Variants in TTC14 observed in about 807,000 individuals in gnomAD.
TTC14 encodes tetratricopeptide repeat protein 14.
A neutral mutation model predicts 79.9 loss-of-function variants in TTC14; 63 were observed. That is an observed-to-expected ratio of 0.79 (90% CI 0.64 to 0.97). The LOEUF (loss-of-function observed/expected upper bound fraction) is 0.97. Ranked by LOEUF, TTC14 falls within the 50% of genes least tolerant of loss-of-function variation. The pLI, the probability that TTC14 is intolerant of heterozygous loss-of-function variation, is 0.00. For missense variants in TTC14, 895 were observed against 894.0 expected (o/e 1.00, Z -0.01); for synonymous variants, 335 against 309.6 (o/e 1.08, Z -0.86).
Position 180,610,212 on chromosome 3 carries a change from G to T in TTC14, c.1983G>T (p.Trp661Cys), listed in dbSNP as rs1365419264. Residue 661 changes from tryptophan to cysteine, a missense_variant, in exon 12 of 12, where the codon TGG (tryptophan) becomes TGT (cysteine). By Grantham distance (215) the Trp-to-Cys change is radical. Transcript: ENST00000296015. ...IEGRKEHYRR[W>C]EPGSVRHSTS... ...GAAGAAAAGAGCACTATAGAAGGTGGGAACCAGGTTCTGTGAGGCATTCTA... is the reference window on the plus strand; with the variant it reads ...GAAGAAAAGAGCACTATAGAAGGTGTGAACCAGGTTCTGTGAGGCATTCTA... 6.2e-7 allele frequency: 1 copy of T among 1,613,790 alleles called. No individual in the cohort carries two copies. Among genetic ancestry groups the T allele is most frequent in the Non-Finnish European group, 8.5e-7 (1 of 1,179,938 alleles).
Position 180,606,353 on chromosome 3 carries a change from T to C in TTC14, c.1030T>C (p.Leu344=). The change falls in exon 8 of 12, where the codon TTG becomes CTG. Residue 344 remains leucine (L), a synonymous_variant. Coordinates refer to ENST00000296015, the MANE Select transcript of TTC14 (RefSeq NM_133462.4). ...AATAGACAAACAAAACGTGGAAGCT[T>C]TGGTAGCTCGTGGAGCATTGTAAGT... ...LEIDKQNVEA[L]VARGALYATK... 1 of 1,614,068 alleles carries C rather than the reference T, an allele frequency of 6.2e-7. No homozygotes were observed.
chr3:180,607,801 T>G, intron 10 of TTC14, 36 bp downstream of exon 10: 4 of 1,597,786 alleles, frequency 2.5e-6, no homozygotes, highest in Non-Finnish European at 3.4e-6. Flanking sequence ...TTTAGTGATA[T>G]TTGAAATAAT....
rs148518688 is a variant in TTC14, at chr3:180,605,442, A to AT, written c.858-315dup. 170 of 215,796 alleles carry AT rather than the reference A, an allele frequency of 7.9e-4. No individual in the cohort carries two copies. In the Middle Eastern group the frequency reaches 8.6e-3, roughly 11 times the overall value. The allele number at this position is 215,796 out of a possible 1,614,324, so 13.4% of individuals were successfully genotyped here. On this transcript the variant is annotated intron_variant, in intron 6 of 11. Transcript: ENST00000296015. ...AGGTGCCCGCCACCACGCCTGGCTA[A>AT]TTTTTTTTTCTTTGATTTTTAGTAG...
rs138270753 is a variant in TTC14, at chr3:180,609,484, G to C, written c.1401-146G>C. 1,263 of 1,326,290 alleles carry C rather than the reference G, an allele frequency of 9.5e-4. 16 individuals are homozygous for C. In the African/African-American group the frequency reaches 0.018, roughly 19 times the overall value. The allele number at this position is 1,326,290 out of a possible 1,614,324, so 82.2% of individuals were successfully genotyped here. ...CCAAAAGTGCTTAATAGTAAAATTA[G>C]ATCTTGTAGTAGCCGAGATTATTGT... On this transcript the variant is annotated intron_variant, in intron 11 of 11. Coordinates refer to ENST00000296015, the MANE Select transcript of TTC14 (RefSeq NM_133462.4).
chr3:180,611,939 C>T (rs1258337179), downstream of TTC14, among the ~76,000 whole-genome samples: 1 of 152,088 alleles, frequency 6.6e-6, no homozygotes, highest in Non-Finnish European at 1.5e-5. Context: ...TATCAAACTC[C>T]AGTAATGAGA....
intron 3 of TTC14, chr3:180,603,823 A>G (rs2108390788): frequency 4.4e-6 from 1 of 227,440 alleles, no homozygotes; most frequent in East Asian, 1.2e-4. Context: ...GGTATTTGCC[A>G]TCTATCCAGG....
In TTC14 at chr3:180,606,259, G is replaced by A; in HGVS notation, c.936G>A (p.Lys312=). The A allele has an allele frequency of 1.9e-6, 3 of 1,613,964 alleles. No homozygotes were observed. The highest frequency in any genetic ancestry group is 2.5e-6 in the Non-Finnish European group (3 of 1,179,938). Residue 312 remains lysine (K), a synonymous_variant, in exon 8 of 12, where the codon AAG becomes AAA. Coordinates refer to ENST00000296015, the MANE Select transcript of TTC14 (RefSeq NM_133462.4). Reference sequence around the variant, plus strand: ...TTACAAATGTCTTTTTTAGTGTGAAGATCGGAGTTGACTATTTTAAAGTTG... The same window carrying A: ...TTACAAATGTCTTTTTTAGTGTGAAAATCGGAGTTGACTATTTTAAAGTTG... The part of the protein sequence containing the change: ...QSASWALKCV[K]IGVDYFKVGR...
At chr3:180,608,323 C>G in intron 10 of TTC14, 3 of 983,876 alleles carry the variant, frequency 3.0e-6, no homozygotes, top group Non-Finnish European at 3.6e-6. Flanking sequence ...AACGGAATGT[C>G]TTTATTTGAA....
chr3:180,607,563 C>G (rs1456486844), intron 9 of TTC14, 85 bp from the exon 10 acceptor site: 1 of 1,421,086 alleles, frequency 7.0e-7, no homozygotes, highest in Non-Finnish European at 9.2e-7. Context: ...CTAATAAGCT[C>G]TCTCATATAA....
intron 3 of TTC14, 149 bp downstream of exon 3, chr3:180,603,472 A>G: frequency 1.4e-6 from 1 of 724,922 alleles, no homozygotes; most frequent in Non-Finnish European, 2.2e-6. Flanking sequence ...AGTTTAAAAA[A>G]ATTAGTGTAA....
chr3:180,615,810 A>G (rs1304171716), downstream of TTC14, among the ~76,000 whole-genome samples: 1 of 152,176 alleles, frequency 6.6e-6, no homozygotes, highest in African/African-American at 2.4e-5. Context: ...AAGAAAAAAA[A>G]AGGGGTTTCC....
intron 12 of TTC14, chr3:180,617,363 C>T (rs544736860): frequency 7.1e-6 from 4 of 563,280 alleles, no homozygotes; most frequent in Admixed American, 5.4e-5. Flanking sequence ...ATACAATATA[C>T]TTTTATTATT....
downstream of TTC14, among the ~76,000 whole-genome samples, chr3:180,611,540 A>G (rs1019157424): frequency 2.0e-5 from 3 of 152,188 alleles, no homozygotes; most frequent in African/African-American, 7.2e-5. Flanking sequence ...AACTAGACCA[A>G]CTAGAGCCTG....
chr3:180,612,960 A>T (rs1717085489), downstream of TTC14, among the ~76,000 whole-genome samples: 1 of 152,208 alleles, frequency 6.6e-6, no homozygotes, highest in African/African-American at 2.4e-5. Context: ...AGAGATAAAA[A>T]TGGCCAAGAA....
At chr3:180,603,830 C>G in intron 3 of TTC14, 2 of 234,314 alleles carry the variant, frequency 8.5e-6, no homozygotes, top group Non-Finnish European at 1.7e-5. Flanking sequence ...GCCATCTATC[C>G]AGGCAGATAA....
chr3:180,608,696 A>G lies in TTC14; in HGVS notation c.1291-5A>G. 2.6e-6 allele frequency: 4 copies of G among 1,519,914 alleles called. No individual in the cohort carries two copies. Among genetic ancestry groups the G allele is most frequent in the Non-Finnish European group, 3.5e-6 (4 of 1,139,278 alleles). The allele number at this position is 1,519,914 out of a possible 1,614,324, so 94.2% of individuals were successfully genotyped here. On this transcript the variant is annotated splice_region_variant and splice_polypyrimidine_tract_variant and intron_variant, in intron 10 of 11. Transcript: ENST00000296015. ...TGGTTTTTTTCGATATCTGGGTTCTAAAAGAAATCTTTGGAATTAAGAGAA... is the reference window on the plus strand; with the variant it reads ...TGGTTTTTTTCGATATCTGGGTTCTGAAAGAAATCTTTGGAATTAAGAGAA...
chr3:180,610,742 T>C lies in TTC14; in HGVS notation c.*200T>C. The C allele has an allele frequency of 3.1e-6, 4 of 1,281,636 alleles. No individual in the cohort carries two copies. Among genetic ancestry groups the C allele is most frequent in the Non-Finnish European group, 3.9e-6 (4 of 1,012,922 alleles). 79.4% of individuals were successfully genotyped at this position (1,281,636 alleles called of 1,614,324 possible). ...TTGTCACAGCTTGGTTTTTAGACTT[T>C]TTATGTATATGTTTATGTACAGTAT... On this transcript the variant is annotated 3_prime_UTR_variant, in exon 12 of 12. Transcript: ENST00000296015.
Position 180,606,309 on chromosome 3 carries a change from A to G in TTC14, c.986A>G (p.Glu329Gly). ...GGACGCCATGTGGATGCTATGAATG[A>G]ATACAATAAAGCTTTGGAAATAGAC... ...KVGRHVDAMN[E>G]YNKALEIDKQ... Residue 329 changes from glutamate (E) to glycine (G), a missense_variant, in exon 8 of 12, where the codon GAA becomes GGA. Transcript: ENST00000296015. The G allele has an allele frequency of 6.2e-7, 1 of 1,614,180 alleles. No homozygotes were observed. The highest frequency in any genetic ancestry group is 8.5e-7 in the Non-Finnish European group (1 of 1,180,006).
downstream of TTC14, among the ~76,000 whole-genome samples, chr3:180,613,581 T>C (rs1040777802): frequency 8.5e-5 from 13 of 152,172 alleles, no homozygotes; most frequent in African/African-American, 3.1e-4. Context: ...TCTGTGTCTA[T>C]AGTACAAATG....
Sources: allele counts gnomAD v4.1 joint callset (sites outside exome capture counted in the v4.1 genomes callset), GRCh38; gene constraint gnomAD v4.1.1; transcripts MANE v1.5; gene names NCBI Gene and HGNC (gene_info 2026-07-23, HGNC 2026-07-21).